The following CTNNA2 variants were observed in gnomAD, a reference collection of about 807,000 sequenced individuals.
CTNNA2 encodes catenin alpha 2, also known as catenin alpha-2.
Under a neutral mutation model 101.0 loss-of-function variants are expected in CTNNA2, and 42 were observed. The ratio of observed to expected loss-of-function variants is 0.42; its 90% CI spans 0.32 to 0.54. CTNNA2 has a LOEUF of 0.54. Ranked by LOEUF, CTNNA2 falls within the 20% of genes least tolerant of loss-of-function variation. The pLI is 0.14. For missense variants in CTNNA2, 871 were observed against 1,223.1 expected, an observed-to-expected ratio of 0.71 and a Z score of 4.29; for synonymous variants, 450 against 456.4, an observed-to-expected ratio of 0.99 and a Z score of 0.18.
At chr2:79,247,058 T>C (rs1026892380) in intron 2 of CTNNA2, among the ~76,000 whole-genome samples, 2 of 152,196 alleles carry the variant, frequency 1.3e-5, no homozygotes, top group Admixed American at 6.5e-5. Flanking sequence ...AGGCGTGGCA[T>C]AGATGTAGCA....
intron 7 of CTNNA2, among the ~76,000 whole-genome samples, chr2:80,226,689 A>T (rs1025319065): frequency 6.6e-6 from 1 of 152,174 alleles, no homozygotes; most frequent in African/African-American, 2.4e-5. Context: ...CTTTTCGTAC[A>T]GGAAGGACCT....
intron 1 of CTNNA2, among the ~76,000 whole-genome samples, chr2:79,607,222 T>A (rs1240218423): frequency 6.6e-6 from 1 of 152,144 alleles, no homozygotes; most frequent in Admixed American, 6.5e-5. Flanking sequence ...AGAAGAACAT[T>A]TTACATATGC....
At chr2:79,755,101 G>A (rs951677401) in intron 3 of CTNNA2, among the ~76,000 whole-genome samples, 1 of 152,012 alleles carries the variant, frequency 6.6e-6, no homozygotes, top group Non-Finnish European at 1.5e-5. Context: ...TAAGGTGGGA[G>A]GATTGCTTGA....
intron 14 of CTNNA2, among the ~76,000 whole-genome samples, chr2:80,587,982 T>C (rs1421380889): frequency 1.3e-5 from 2 of 152,354 alleles, no homozygotes; most frequent in East Asian, 3.9e-4. Flanking sequence ...AAAGTCATCA[T>C]GAACATTTAA....
intron 12 of CTNNA2, among the ~76,000 whole-genome samples, chr2:80,570,502 T>C (rs1694489030): frequency 6.6e-6 from 1 of 152,166 alleles, no homozygotes; most frequent in Non-Finnish European, 1.5e-5. Context: ...AGAAAGAGTT[T>C]CTTAGGGGTC....
At chr2:79,292,069 A>C (rs1675835816) in intron 2 of CTNNA2, among the ~76,000 whole-genome samples, 1 of 152,166 alleles carries the variant, frequency 6.6e-6, no homozygotes, top group African/African-American at 2.4e-5. Flanking sequence ...GAAGTAAAAC[A>C]AGGAGATCAG....
At chr2:79,454,945 T>C (rs1670799642) in intron 4 of CTNNA2, among the ~76,000 whole-genome samples, 1 of 152,180 alleles carries the variant, frequency 6.6e-6, no homozygotes, top group Non-Finnish European at 1.5e-5. Flanking sequence ...TACAAGACAG[T>C]GCAGGGGCAA....
At chr2:79,853,773 A>T (rs1438678983) in intron 3 of CTNNA2, among the ~76,000 whole-genome samples, 2 of 149,454 alleles carry the variant, frequency 1.3e-5, no homozygotes, top group Non-Finnish European at 3.0e-5. Flanking sequence ...GGTTCAAGTG[A>T]TTCTCCTGCC....
chr2:80,009,046 G>A (rs981634716), intron 7 of CTNNA2, among the ~76,000 whole-genome samples: 2 of 152,198 alleles, frequency 1.3e-5, no homozygotes, highest in African/African-American at 4.8e-5. Flanking sequence ...CATTGGAGAA[G>A]GCATCTTGGG....
intron 3 of CTNNA2, among the ~76,000 whole-genome samples, chr2:79,314,707 T>C (rs1676458052): frequency 6.6e-6 from 1 of 152,210 alleles, no homozygotes; most frequent in Admixed American, 6.5e-5. Context: ...TGGGGCCCCA[T>C]TTTGGCTCAG....
intron 1 of CTNNA2, among the ~76,000 whole-genome samples, chr2:79,650,852 G>A (rs1043333023): frequency 1.3e-4 from 18 of 133,806 alleles, no homozygotes; most frequent in African/African-American, 4.9e-4. Context: ...TGATCTCATT[G>A]TTCAATTCCC....
At chr2:80,489,317 A>G (rs1686846085) in intron 9 of CTNNA2, among the ~76,000 whole-genome samples, 4 of 152,210 alleles carry the variant, frequency 2.6e-5, no homozygotes. Context: ...AGTCTTTGAA[A>G]AGAAAGTAAA....
intron 7 of CTNNA2, among the ~76,000 whole-genome samples, chr2:80,315,004 A>C (rs1677964949): frequency 6.6e-6 from 1 of 152,252 alleles, no homozygotes; most frequent in Non-Finnish European, 1.5e-5. Context: ...ACCCCTGAGC[A>C]GAAACATTCA....
At chr2:79,807,767 T>C (rs1030778431) in intron 3 of CTNNA2, among the ~76,000 whole-genome samples, 1 of 152,162 alleles carries the variant, frequency 6.6e-6, no homozygotes, top group African/African-American at 2.4e-5. Flanking sequence ...AGCACAATGC[T>C]ATTATGTGAA....
intron 18 of CTNNA2, among the ~76,000 whole-genome samples, chr2:80,635,838 T>C (rs919845765): frequency 4.6e-5 from 7 of 152,140 alleles, no homozygotes; most frequent in African/African-American, 1.2e-4. Flanking sequence ...ACCTGATTGA[T>C]TGGGCATATC....
intron 3 of CTNNA2, among the ~76,000 whole-genome samples, chr2:79,748,333 A>G (rs189876225): frequency 6.6e-6 from 1 of 152,226 alleles, no homozygotes; most frequent in African/African-American, 2.4e-5. Context: ...CTTTCCTTCT[A>G]TCATAGAAAT....
At chr2:79,323,060 C>A (rs1250032747) in intron 3 of CTNNA2, among the ~76,000 whole-genome samples, 2 of 152,132 alleles carry the variant, frequency 1.3e-5, no homozygotes, top group Admixed American at 6.5e-5. Context: ...AGAGGATAAA[C>A]AGGATTTGGT....
At chr2:80,209,961 A>G (rs1002710054) in intron 7 of CTNNA2, among the ~76,000 whole-genome samples, 1 of 152,176 alleles carries the variant, frequency 6.6e-6, no homozygotes, top group African/African-American at 2.4e-5. Flanking sequence ...CAGTAATCCT[A>G]TTTCCTAAGA....
At chr2:79,890,147 T>C (rs1684198433) in intron 6 of CTNNA2, among the ~76,000 whole-genome samples, 1 of 152,176 alleles carries the variant, frequency 6.6e-6, no homozygotes, top group South Asian at 2.1e-4. Flanking sequence ...TCTTCTGCTT[T>C]GTTGGTCTCT....
Sources: allele counts gnomAD v4.1 joint callset (sites outside exome capture counted in the v4.1 genomes callset), GRCh38; gene constraint gnomAD v4.1.1; transcripts MANE v1.5; gene names NCBI Gene and HGNC (gene_info 2026-07-23, HGNC 2026-07-21).